The following SYN3 variants were observed in gnomAD, a reference collection of about 807,000 sequenced individuals.
SYN3 encodes the protein synapsin-3.
In SYN3, 35 loss-of-function variants were observed where a neutral mutation model predicts 65.8. That is an observed-to-expected ratio of 0.53 (90% confidence interval 0.41 to 0.70). The LOEUF (loss-of-function observed/expected upper bound fraction) is 0.70. Among genes scored for constraint, SYN3 ranks in the 30% least tolerant of loss-of-function variants. The pLI is 0.00. For synonymous variants in SYN3, 270 were observed against 292.9 expected, an observed-to-expected ratio of 0.92 and a Z score of 0.80; for missense variants, 680 against 749.0, an observed-to-expected ratio of 0.91 and a Z score of 1.08.
At chr22:32,871,759 C>A (rs1448700914) in intron 4 of SYN3, among the ~76,000 whole-genome samples, 1 of 152,020 alleles carries the variant, frequency 6.6e-6, no homozygotes, top group African/African-American at 2.4e-5. Context: ...AGGTGCGCAC[C>A]ACCACATCCA....
At chr22:32,905,403 CAA>C (rs1281829203) in intron 4 of SYN3, among the ~76,000 whole-genome samples, 2 of 152,122 alleles carry the variant, frequency 1.3e-5, no homozygotes, top group African/African-American at 4.8e-5. Context: ...GAGCATAAGG[CAA>C]AGAGTCTGCA....
chr22:32,522,709 C>T (rs368946659), intron 12 of SYN3, among the ~76,000 whole-genome samples: 43 of 152,164 alleles, frequency 2.8e-4, no homozygotes, highest in Non-Finnish European at 5.3e-4. Context: ...ACCTTCTACG[C>T]ACTATCTCTG....
chr22:32,917,382 G>A (rs137548), intron 4 of SYN3, among the ~76,000 whole-genome samples: 74,774 of 152,034 alleles, frequency 0.49, 19,343 homozygotes, highest in Non-Finnish European at 0.58. Context: ...TCGGAAAAAC[G>A]TCATTTCACT....
chr22:33,007,004 G>C lies in SYN3; in HGVS notation c.-162-180C>G, dbSNP rs1335733956. ...TTTAACCTACAATTTCCATTTTCTG[G>C]AATTATATCGCAAAGAAAGATTCTA... is the stretch of plus-strand genomic sequence containing the variant. On this transcript the variant is annotated intron_variant, in intron 1 of 13. Transcript: ENST00000358763. 2.0e-5 allele frequency among the ~76,000 whole-genome samples: 3 copies of C among 152,158 alleles called. No individual in the cohort carries two copies. In the East Asian group the frequency reaches 5.8e-4, roughly 29 times the overall value.
intron 6 of SYN3, chr22:32,859,065 G>A (rs2048459436): frequency 2.1e-6 from 2 of 931,392 alleles, no homozygotes; most frequent in Non-Finnish European, 3.5e-6. Flanking sequence ...CTGAGGGACT[G>A]ATGTGGCTAG....
At chr22:32,680,680 C>G (rs1184706113) in intron 6 of SYN3, among the ~76,000 whole-genome samples, 1 of 152,200 alleles carries the variant, frequency 6.6e-6, no homozygotes, top group East Asian at 1.9e-4. Flanking sequence ...TCAGAATTTC[C>G]TATTTGTTCA....
Position 32,801,319 on chromosome 22 carries a change from G to A in SYN3, c.711+63596C>T, listed in dbSNP as rs918067296. 6.6e-6 allele frequency among the ~76,000 whole-genome samples: 1 copy of A among 152,226 alleles called. No homozygotes were observed. The highest frequency in any genetic ancestry group is 2.4e-5 in the African/African-American group (1 of 41,470). On this transcript the variant is annotated intron_variant, in intron 6 of 13. Coordinates refer to ENST00000358763, the MANE Select transcript of SYN3 (RefSeq NM_003490.4). This position sits in a 1 kb window ranked among gnomAD's most constrained non-coding sequence, Gnocchi z 4.7. Reference sequence around the variant, plus strand: ...TAGGACATGGCCACCCCTCACCTGTGGAAGCGGTCCTGCTGGGGTGGGTGG... The same window carrying A: ...TAGGACATGGCCACCCCTCACCTGTAGAAGCGGTCCTGCTGGGGTGGGTGG...
At chr22:32,594,248 CAG>C (rs1396383649) in intron 7 of SYN3, among the ~76,000 whole-genome samples, 4 of 152,182 alleles carry the variant, frequency 2.6e-5, no homozygotes, top group African/African-American at 9.7e-5. Flanking sequence ...GGGTGCCACT[CAG>C]GGCTCTGGGA....
intron 7 of SYN3, among the ~76,000 whole-genome samples, chr22:32,586,059 T>C (rs142288892): frequency 0.051 from 7,006 of 138,398 alleles, 233 homozygotes; most frequent in Middle Eastern, 0.086. Flanking sequence ...TATGTGTATA[T>C]GTATATATGT....
In SYN3 at chr22:32,728,000, T is replaced by C. The variant is rs942819106; in HGVS notation, c.712-131264A>G. The stretch of plus-strand genomic sequence containing the variant: ...AACAAGCAATGGGGAAAGGATTCCC[T>C]ATTTAATAAGTGGTGCTGGGAGAAC... On this transcript the variant is annotated intron_variant, in intron 6 of 13. Transcript: ENST00000358763. Among the ~76,000 whole-genome samples the C allele has an allele frequency of 4.7e-4, 71 of 152,270 alleles. 1 individual carries two copies. Among genetic ancestry groups the C allele is most frequent in the Admixed American group, 4.4e-3 (67 of 15,292 alleles).
chr22:32,665,513 C>A (rs1343326561), intron 6 of SYN3, among the ~76,000 whole-genome samples: 1 of 149,446 alleles, frequency 6.7e-6, no homozygotes, highest in East Asian at 2.4e-4. Context: ...ATATATATGT[C>A]TCACATATAT....
chr22:32,841,211 A>G (rs1379024990), intron 6 of SYN3, among the ~76,000 whole-genome samples: 1 of 152,236 alleles, frequency 6.6e-6, no homozygotes, highest in Non-Finnish European at 1.5e-5. Flanking sequence ...GCAATAGGTA[A>G]AGCAAAGAAC....
intron 4 of SYN3, among the ~76,000 whole-genome samples, chr22:32,872,757 G>C (rs1306457890): frequency 6.6e-6 from 1 of 152,034 alleles, no homozygotes; most frequent in Non-Finnish European, 1.5e-5. Flanking sequence ...ATCTGGCCAG[G>C]GGGTGGCCAA....
At chr22:32,886,655 C>T (rs546667034) in intron 4 of SYN3, among the ~76,000 whole-genome samples, 1 of 152,368 alleles carries the variant, frequency 6.6e-6, no homozygotes, top group South Asian at 2.1e-4. Flanking sequence ...ATCACCTTCA[C>T]AGGTGACTTG....
chr22:32,883,157 A>C (rs1478395938), intron 4 of SYN3, among the ~76,000 whole-genome samples: 1 of 152,242 alleles, frequency 6.6e-6, no homozygotes, highest in African/African-American at 2.4e-5. Context: ...AGTATTGAGC[A>C]GCTACATAAA....
At chr22:32,750,381 T>C (rs984439626) in intron 6 of SYN3, among the ~76,000 whole-genome samples, 1 of 151,990 alleles carries the variant, frequency 6.6e-6, no homozygotes, top group South Asian at 2.1e-4. Context: ...GGCCTCGAAC[T>C]TGGAGCACAC....
intron 4 of SYN3, among the ~76,000 whole-genome samples, chr22:32,893,248 T>C (rs2049501198): frequency 6.6e-6 from 1 of 152,198 alleles, no homozygotes; most frequent in African/African-American, 2.4e-5. Context: ...ATTCACTCCA[T>C]TCCTCAACTA....
intron 6 of SYN3, among the ~76,000 whole-genome samples, chr22:32,712,048 T>C (rs931484527): frequency 5.9e-5 from 9 of 152,194 alleles, no homozygotes; most frequent in African/African-American, 2.2e-4. Flanking sequence ...TTCTGGCTTT[T>C]TAATCCCAGG....
intron 13 of SYN3, among the ~76,000 whole-genome samples, chr22:32,516,509 G>A (rs901534236): frequency 5.3e-5 from 8 of 152,018 alleles, no homozygotes; most frequent in African/African-American, 1.2e-4. Context: ...GACTACAGGC[G>A]TGCACCAGCA....
Sources: allele counts gnomAD v4.1 joint callset (sites outside exome capture counted in the v4.1 genomes callset), GRCh38; gene constraint gnomAD v4.1.1; non-coding constraint Gnocchi (gnomAD v3.1); transcripts MANE v1.5; gene names NCBI Gene and HGNC (gene_info 2026-07-23, HGNC 2026-07-21).